CCDC158: variants seen among roughly 807,000 people sequenced by gnomAD.
The protein encoded by CCDC158 is coiled-coil domain-containing protein 158.
Under a neutral mutation model 138.6 loss-of-function variants are expected in CCDC158, and 116 were observed. The ratio of observed to expected loss-of-function variants is 0.84; its 90% CI spans 0.72 to 0.98. The LOEUF (loss-of-function observed/expected upper bound fraction) is 0.98, where lower values mean the gene tolerates loss of function less well. CCDC158 is among the 50% of genes least tolerant of loss of function. CCDC158 has a pLI of 0.00. For missense variants in CCDC158, 1,265 were observed against 1,306.1 expected (o/e 0.97, Z 0.48); for synonymous variants, 436 against 442.4 (o/e 0.99, Z 0.18).
intron 4 of CCDC158, among the ~76,000 whole-genome samples, chr4:76,386,342 T>C (rs1726782342): frequency 6.6e-6 from 1 of 152,246 alleles, no homozygotes; most frequent in East Asian, 1.9e-4. Context: ...GATTCACACT[T>C]CAGCTGTGAC....
intron 20 of CCDC158, 73 bp downstream of exon 20, chr4:76,332,359 C>T (rs1721079977): frequency 7.8e-7 from 1 of 1,280,722 alleles, no homozygotes; most frequent in Admixed American, 1.8e-5. Context: ...TCCAAACAGA[C>T]TTCTCAAATT....
chr4:76,418,746 G>A (rs1729888209), intron 1 of CCDC158, among the ~76,000 whole-genome samples: 2 of 152,090 alleles, frequency 1.3e-5, no homozygotes, highest in Non-Finnish European at 2.9e-5. Context: ...CTTCCACTGG[G>A]TCCCTCCCGC....
intron 4 of CCDC158, among the ~76,000 whole-genome samples, chr4:76,388,529 A>G (rs896045902): frequency 6.6e-6 from 1 of 152,202 alleles, no homozygotes; most frequent in African/African-American, 2.4e-5. Flanking sequence ...AAAGAATGGG[A>G]CAGACTTTGT....
chr4:76,346,355 G>A (rs1722544141), intron 18 of CCDC158, among the ~76,000 whole-genome samples: 1 of 152,150 alleles, frequency 6.6e-6, no homozygotes, highest in South Asian at 2.1e-4. Flanking sequence ...AACACCAAAA[G>A]CAATGACAAC....
At chr4:76,343,831 AC>A (rs1228458534) in intron 18 of CCDC158, among the ~76,000 whole-genome samples, 2 of 152,076 alleles carry the variant, frequency 1.3e-5, no homozygotes, top group Non-Finnish European at 2.9e-5. Context: ...AAACAAACAA[AC>A]CAGGAAAGTG....
Position 76,395,489 on chromosome 4 carries a change from A to C in CCDC158, c.288+780T>G, listed in dbSNP as rs2109829165. Among the ~76,000 whole-genome samples, 3 of 152,294 alleles carry C rather than the reference A, an allele frequency of 2.0e-5. No individual in the cohort carries two copies. The Middle Eastern group carries it at 0.01, about 518-fold the overall frequency. Reference sequence around the variant, plus strand: ...GAGGAGAGCACACCTAATGTCATCTAGAGGAAAGGCTTCAGAGAAGAAAAT... The same window carrying C: ...GAGGAGAGCACACCTAATGTCATCTCGAGGAAAGGCTTCAGAGAAGAAAAT... On this transcript the variant is annotated intron_variant, in intron 4 of 24. Coordinates refer to ENST00000682701, the MANE Select transcript of CCDC158 (RefSeq NM_001394954.1).
intron 2 of CCDC158, among the ~76,000 whole-genome samples, chr4:76,408,084 A>T (rs1218142548): frequency 4.6e-5 from 7 of 151,158 alleles, no homozygotes; most frequent in African/African-American, 1.7e-4. Context: ...AAATTTTATT[A>T]TTATTATTTT....
chr4:76,322,044 A>G (rs1034166840), intron 24 of CCDC158, among the ~76,000 whole-genome samples: 1 of 151,884 alleles, frequency 6.6e-6, no homozygotes, highest in African/African-American at 2.4e-5. Flanking sequence ...GATACATCAT[A>G]TACTGCTTGG....
At chr4:76,353,856 A>G (rs1470849105) in intron 15 of CCDC158, among the ~76,000 whole-genome samples, 1 of 152,186 alleles carries the variant, frequency 6.6e-6, no homozygotes, top group Non-Finnish European at 1.5e-5. Context: ...CATCCCTCCA[A>G]AAAAGCGCCA....
chr4:76,384,675 A>G lies in CCDC158; in HGVS notation c.289-10T>C, dbSNP rs756353321. 6.3e-7 allele frequency: 1 copy of G among 1,579,886 alleles called. No individual in the cohort carries two copies. Among genetic ancestry groups the G allele is most frequent in the African/African-American group, 1.3e-5 (1 of 74,122 alleles). ...CATGCAATTCATTGCTCTGAAAAAA[A>G]AAGCCATGCAAATTAATCTTCATTA... On this transcript the variant is annotated splice_polypyrimidine_tract_variant and intron_variant, in intron 4 of 24. Transcript: ENST00000682701.
intron 4 of CCDC158, among the ~76,000 whole-genome samples, chr4:76,386,196 C>T (rs1045239952): frequency 2.0e-5 from 3 of 152,172 alleles, no homozygotes; most frequent in African/African-American, 7.2e-5. Flanking sequence ...CATTCCCTAA[C>T]CCCTGCCATC....
At chr4:76,388,796 C>G (rs1308196344) in intron 4 of CCDC158, among the ~76,000 whole-genome samples, 5 of 150,046 alleles carry the variant, frequency 3.3e-5, no homozygotes, top group Non-Finnish European at 5.9e-5. Context: ...TGGCTCAGCA[C>G]AGAGAGAGAG....
rs575745357 is a variant in CCDC158 at position 76,333,370 on chromosome 4, G to C, written c.2822+640C>G. Among the ~76,000 whole-genome samples the C allele has an allele frequency of 5.3e-5, 8 of 152,210 alleles. No individual in the cohort carries two copies. In the East Asian group the frequency reaches 1.4e-3, roughly 26 times the overall value. ...TATATACCATATTAAAATGCTTTAA[G>C]ATAAGCTAAGCTAAATGATAACACA... On this transcript the variant is annotated intron_variant, in intron 19 of 24. Transcript: ENST00000682701.
chr4:76,349,851 A>C (rs923779921), intron 18 of CCDC158, among the ~76,000 whole-genome samples: 1 of 152,192 alleles, frequency 6.6e-6, no homozygotes, highest in African/African-American at 2.4e-5. Flanking sequence ...TTTCAGAGCT[A>C]ATCTTTCTTG....
At chr4:76,373,522 AC>A (rs1204986077) in intron 9 of CCDC158, among the ~76,000 whole-genome samples, 2 of 152,148 alleles carry the variant, frequency 1.3e-5, no homozygotes, top group African/African-American at 4.8e-5. Flanking sequence ...ACTAAGACTA[AC>A]TTTTTCTTGA....
chr4:76,328,926 G>A lies in CCDC158; in HGVS notation c.2984C>T (p.Ser995Phe), dbSNP rs1720770710. 4 of 1,614,000 alleles carry A rather than the reference G, an allele frequency of 2.5e-6. No individual in the cohort carries two copies. The highest frequency in any genetic ancestry group is 3.4e-6 in the Non-Finnish European group (4 of 1,179,870). ...TLHAGDREDP[S>F]GCFTFTSAAS... ...TGCAGATGTGAATGTGAAGCAACCA[G>A]AGGGATCTTCCCTGTCTCCTGCGTG... The change falls in exon 22 of 25, where the codon TCT becomes TTT. Residue 995 changes from serine (S) to phenylalanine (F), a missense_variant. Coordinates refer to ENST00000682701, the MANE Select transcript of CCDC158 (RefSeq NM_001394954.1).
chr4:76,386,824 C>T (rs985385284), intron 4 of CCDC158, among the ~76,000 whole-genome samples: 1 of 152,134 alleles, frequency 6.6e-6, no homozygotes, highest in East Asian at 1.9e-4. Context: ...TCAGTGCTGC[C>T]CCGTCAGAGG....
intron 19 of CCDC158, among the ~76,000 whole-genome samples, chr4:76,333,430 A>G (rs1721181242): frequency 6.6e-6 from 1 of 152,094 alleles, no homozygotes; most frequent in African/African-American, 2.4e-5. Context: ...AGAATAGGAG[A>G]CTCCCATTGT....
intron 6 of CCDC158, 50 bp downstream of exon 6, chr4:76,384,038 C>G: frequency 7.9e-7 from 1 of 1,262,884 alleles, no homozygotes; most frequent in African/African-American, 1.5e-5. Context: ...ATGCTATTCT[C>G]TTAATGCATT....
Sources: gnomAD v4.1 joint callset for allele counts (sites outside exome capture counted in the v4.1 genomes callset) on GRCh38, gnomAD v4.1.1 for gene constraint, MANE v1.5 for transcripts, NCBI Gene and HGNC (gene_info 2026-07-23, HGNC 2026-07-21) for gene names.